The following KLHL32 variants were observed in gnomAD, a reference collection of about 807,000 sequenced individuals.
KLHL32 encodes the protein kelch-like protein 32.
KLHL32 carries 35 observed loss-of-function variants against 64.8 expected under a neutral mutation model. The observed-to-expected ratio is 0.54, with a 90% CI of 0.41 to 0.72. The LOEUF (loss-of-function observed/expected upper bound fraction) is 0.72, where lower values mean the gene tolerates loss of function less well. Ranked by LOEUF, KLHL32 falls within the 30% of genes least tolerant of loss-of-function variation. KLHL32 has a pLI of 0.00. For missense variants in KLHL32, 589 were observed against 768.5 expected (o/e 0.77, Z 2.76); for synonymous variants, 259 against 281.0 (o/e 0.92, Z 0.78).
intron 3 of KLHL32, among the ~76,000 whole-genome samples, chr6:96,979,082 C>T (rs1776016361): frequency 6.6e-6 from 1 of 151,896 alleles, no homozygotes; most frequent in South Asian, 2.1e-4. Flanking sequence ...AAAATATTTT[C>T]CCCATTTTGT....
chr6:97,125,756 A>G (rs968490349), intron 7 of KLHL32, among the ~76,000 whole-genome samples: 2 of 152,194 alleles, frequency 1.3e-5, no homozygotes, highest in African/African-American at 4.8e-5. Flanking sequence ...AGCCTGGGCA[A>G]CAAAAGCGAG....
intron 4 of KLHL32, among the ~76,000 whole-genome samples, 182 bp from the exon 5 acceptor site, chr6:97,064,446 G>A (rs1789393651): frequency 1.3e-5 from 2 of 152,252 alleles, no homozygotes; most frequent in South Asian, 4.1e-4. Flanking sequence ...GTTAGAGTAA[G>A]GGCCACAGCT....
In KLHL32 at chr6:96,966,964, A is replaced by G. The variant is rs1774521540; in HGVS notation, c.-65-32A>G. The G allele has an allele frequency of 5.4e-6, 6 of 1,111,178 alleles. No individual in the cohort carries two copies. In the Admixed American group the frequency reaches 1.1e-4, roughly 20 times the overall value. The allele number at this position is 1,111,178 out of a possible 1,614,324, so 68.8% of individuals were successfully genotyped here. A position where few individuals can be genotyped will look rare whatever the true frequency, so the allele number is the denominator to read the frequency against. Reference sequence around the variant, plus strand: ...GAGTGTGCTTTTCTGCATTTAGCTCAATGCACCCTTTTCTCTTGTCTTTTT... The same window carrying G: ...GAGTGTGCTTTTCTGCATTTAGCTCGATGCACCCTTTTCTCTTGTCTTTTT... On this transcript the variant is annotated intron_variant, in intron 1 of 10. Transcript: ENST00000369261.
At chr6:97,070,884 G>T (rs1168429483) in intron 5 of KLHL32, among the ~76,000 whole-genome samples, 1 of 152,044 alleles carries the variant, frequency 6.6e-6, no homozygotes, top group Non-Finnish European at 1.5e-5. Context: ...TGTAAAAGAA[G>T]ATCTGTGTTT....
intron 1 of KLHL32, among the ~76,000 whole-genome samples, chr6:96,938,649 G>A (rs545649505): frequency 3.9e-4 from 59 of 152,292 alleles, no homozygotes; most frequent in South Asian, 1.9e-3. Flanking sequence ...AGCAGCAGCA[G>A]CAGGGGATAC....
chr6:96,950,021 G>A (rs1180678854), intron 1 of KLHL32, among the ~76,000 whole-genome samples: 2 of 151,866 alleles, frequency 1.3e-5, no homozygotes, highest in African/African-American at 4.8e-5. Context: ...ATGTAATATT[G>A]TCTTAAAACA....
At chr6:97,061,621 A>T (rs1788914986) in intron 4 of KLHL32, among the ~76,000 whole-genome samples, 1 of 152,108 alleles carries the variant, frequency 6.6e-6, no homozygotes, top group South Asian at 2.1e-4. Context: ...TGAGTGTCAG[A>T]CTACATGTTG....
intron 1 of KLHL32, among the ~76,000 whole-genome samples, chr6:96,956,611 A>T (rs1167276517): frequency 1.3e-5 from 2 of 152,186 alleles, no homozygotes; most frequent in Non-Finnish European, 2.9e-5. Flanking sequence ...CTCCTTTGGT[A>T]GGATAAAGTG....
chr6:97,039,989 C>T (rs1237370553), intron 3 of KLHL32, among the ~76,000 whole-genome samples: 1 of 151,820 alleles, frequency 6.6e-6, no homozygotes. Flanking sequence ...ATCATATGTA[C>T]CCCTGAAATA....
At chr6:97,129,079 T>C (rs1374769793) in intron 8 of KLHL32, among the ~76,000 whole-genome samples, 1 of 152,262 alleles carries the variant, frequency 6.6e-6, no homozygotes, top group Non-Finnish European at 1.5e-5. Flanking sequence ...AAGGAAATTC[T>C]TATTATATGT....
chr6:97,064,810 A>C lies in KLHL32; in HGVS notation c.411+84A>C, dbSNP rs974551662. ...GCTGGCCCCCAACAACTGGAGCTGA[A>C]TGACAGGTAAAGTGGGGGTGGGGTG... On this transcript the variant is annotated intron_variant, in intron 5 of 10. Transcript: ENST00000369261. 8.0e-6 allele frequency: 9 copies of C among 1,124,438 alleles called. No homozygotes were observed. The African/African-American group carries it at 1.4e-4, about 17-fold the overall frequency. The allele number at this position is 1,124,438 out of a possible 1,614,324, so 69.7% of individuals were successfully genotyped here.
At chr6:96,958,742 C>T (rs1388764233) in intron 1 of KLHL32, among the ~76,000 whole-genome samples, 1 of 152,096 alleles carries the variant, frequency 6.6e-6, no homozygotes, top group Non-Finnish European at 1.5e-5. Flanking sequence ...AATGTTTCCC[C>T]ACCCATTGGA....
At chr6:97,018,425 TA>T (rs59522299) in intron 3 of KLHL32, among the ~76,000 whole-genome samples, 1,425 of 135,228 alleles carry the variant, frequency 0.011, 9 homozygotes, top group African/African-American at 0.026. Flanking sequence ...TGTCTCTACT[TA>T]AAAAAAAAAA....
At chr6:97,057,599 T>C (rs984173037) in intron 4 of KLHL32, among the ~76,000 whole-genome samples, 2 of 146,660 alleles carry the variant, frequency 1.4e-5, no homozygotes, top group Admixed American at 7.3e-5. Context: ...TTTTTTTCAT[T>C]GTTGAGTGTT....
At chr6:96,925,891 G>A (rs149553667) in intron 1 of KLHL32, among the ~76,000 whole-genome samples, 319 of 152,322 alleles carry the variant, frequency 2.1e-3, no homozygotes, top group Non-Finnish European at 3.6e-3. Flanking sequence ...CACAGATAGA[G>A]ATAGATATAA....
intron 3 of KLHL32, among the ~76,000 whole-genome samples, chr6:96,990,910 G>A (rs1777782787): frequency 1.3e-5 from 2 of 152,164 alleles, no homozygotes; most frequent in African/African-American, 4.8e-5. Flanking sequence ...GGGCAGCAAG[G>A]GAAGTACCAC....
intron 10 of KLHL32, among the ~76,000 whole-genome samples, chr6:97,138,297 G>A (rs574272980): frequency 2.2e-4 from 34 of 152,262 alleles, no homozygotes; most frequent in Non-Finnish European, 4.1e-4. Context: ...CCAGCACTTC[G>A]GGAGGCTGAG....
At chr6:96,986,383 C>T (rs2128057217) in intron 3 of KLHL32, among the ~76,000 whole-genome samples, 1 of 152,302 alleles carries the variant, frequency 6.6e-6, no homozygotes. Context: ...GGGAGAACCA[C>T]TACTCTCGTC....
At chr6:97,005,479 T>G (rs1779554251) in intron 3 of KLHL32, among the ~76,000 whole-genome samples, 2 of 152,188 alleles carry the variant, frequency 1.3e-5, no homozygotes, top group Admixed American at 1.3e-4. Context: ...CTCAATTTCA[T>G]TCGATTCAGC....
Sources: allele counts gnomAD v4.1 joint callset (sites outside exome capture counted in the v4.1 genomes callset), GRCh38; gene constraint gnomAD v4.1.1; transcripts MANE v1.5; gene names NCBI Gene and HGNC (gene_info 2026-07-23, HGNC 2026-07-21).